The following IL13RA1 variants were observed in gnomAD, a reference collection of about 807,000 sequenced individuals.
The protein encoded by IL13RA1 is interleukin-13 receptor subunit alpha-1.
In IL13RA1, 14 loss-of-function variants were observed where a neutral mutation model predicts 33.8. That is an observed-to-expected ratio of 0.41 (90% CI 0.27 to 0.65). The LOEUF (loss-of-function observed/expected upper bound fraction) is 0.65. Ranked by LOEUF, IL13RA1 falls within the 30% of genes least tolerant of loss-of-function variation. The pLI is 0.28. For synonymous variants in IL13RA1, 116 were observed against 115.7 expected, an observed-to-expected ratio of 1.00 and a Z score of -0.02; for missense variants, 313 against 327.0, an observed-to-expected ratio of 0.96 and a Z score of 0.33.
chrX:118,767,233 G>A (rs2017659383), intron 8 of IL13RA1, among the ~76,000 whole-genome samples: 1 of 111,478 alleles, frequency 9.0e-6, no homozygotes, highest in African/African-American at 3.3e-5. Context: ...TTAACAAACT[G>A]AACAAAAATA....
chrX:118,739,469 A>G (rs1330808241), intron 1 of IL13RA1, among the ~76,000 whole-genome samples: 1 of 112,380 alleles, frequency 8.9e-6, no homozygotes, highest in African/African-American at 3.2e-5. Flanking sequence ...ATTTAACTCT[A>G]TCATTTGGTA....
chrX:118,773,628 T>TA (rs1469747691), intron 8 of IL13RA1, among the ~76,000 whole-genome samples: 1 of 112,074 alleles, frequency 8.9e-6, no homozygotes, highest in African/African-American at 3.2e-5. Context: ...GTTTGTCTTT[T>TA]AAAAAATATC....
intron 4 of IL13RA1, among the ~76,000 whole-genome samples, chrX:118,751,664 G>C (rs2017471060): frequency 9.1e-6 from 1 of 110,396 alleles, no homozygotes; most frequent in East Asian, 2.9e-4. Context: ...TGTGATGTCA[G>C]GGTGGAGAAG....
In IL13RA1 at chrX:118,764,082, C is replaced by T. The variant is rs748219519; in HGVS notation, c.829-2448C>T. Reference sequence around the variant, plus strand: ...GTTACACTTAAGAGGGGGAAGTAAGCGGGAACATGAACTGGTACCAACACA... The same window carrying T: ...GTTACACTTAAGAGGGGGAAGTAAGTGGGAACATGAACTGGTACCAACACA... On this transcript the variant is annotated intron_variant, in intron 6 of 10. Transcript: ENST00000371666. 1.6e-4 allele frequency among the ~76,000 whole-genome samples: 17 copies of T among 109,155 alleles called. No homozygotes were observed. The East Asian group carries it at 3.4e-3, about 22-fold the overall frequency. The allele number at this position is 109,155 out of a possible 115,157, so 94.8% of individuals were successfully genotyped here.
chrX:118,780,460 T>A (rs894259680), intron 10 of IL13RA1, among the ~76,000 whole-genome samples: 1 of 112,748 alleles, frequency 8.9e-6, no homozygotes, highest in Non-Finnish European at 1.9e-5. Context: ...TATAAAGACA[T>A]ACCTGAAACT....
At chrX:118,800,193 G>A in the IL13RA1 span, among the ~76,000 whole-genome samples, 3 of 111,190 alleles carry the variant, frequency 2.7e-5, no homozygotes, top group African/African-American at 9.8e-5. Context: ...CAGGCCACTG[G>A]GCTCTACCAA....
chrX:118,747,989 T>C (rs2017425783), intron 3 of IL13RA1, among the ~76,000 whole-genome samples: 1 of 88,187 alleles, frequency 1.1e-5, no homozygotes, highest in Admixed American at 1.3e-4. Flanking sequence ...GAATAGTGCC[T>C]GGCAAAGAGT....
At chrX:118,737,825 G>C (rs1358696211) in intron 1 of IL13RA1, among the ~76,000 whole-genome samples, 3 of 111,641 alleles carry the variant, frequency 2.7e-5, no homozygotes, top group Non-Finnish European at 5.6e-5. Flanking sequence ...AGGTAGGTGG[G>C]TAGGGAGAGT....
rs1049643357 is a variant in IL13RA1, at chrX:118,794,150, T to C, written c.*2296T>C. ...GAAGTGATCTTTTGTTCCCATCCTCTTCTTTTAGCAGTAAAATAGCTGAGG... is the reference window on the plus strand; with the variant it reads ...GAAGTGATCTTTTGTTCCCATCCTCCTCTTTTAGCAGTAAAATAGCTGAGG... On this transcript the variant is annotated 3_prime_UTR_variant, in exon 11 of 11. Transcript: ENST00000371666. 5 of 111,608 alleles carry C rather than the reference T, an allele frequency of 4.5e-5. No homozygotes were observed. Among genetic ancestry groups the C allele is most frequent in the African/African-American group, 1.6e-4 (5 of 30,609 alleles). The allele number at this position is 111,608 out of a possible 1,213,427, so 9.2% of individuals were successfully genotyped here.
chrX:118,787,565 A>T (rs1042234360), intron 10 of IL13RA1, among the ~76,000 whole-genome samples: 1 of 111,448 alleles, frequency 9.0e-6, no homozygotes, highest in African/African-American at 3.3e-5. Flanking sequence ...AAATTTCCTA[A>T]TCCTAATAAG....
chrX:118,788,499 A>G (rs780702697), intron 10 of IL13RA1, among the ~76,000 whole-genome samples: 16 of 111,894 alleles, frequency 1.4e-4, no homozygotes, highest in African/African-American at 2.9e-4. Context: ...TCATTTATAT[A>G]TTGTCTGTGG....
intron 6 of IL13RA1, among the ~76,000 whole-genome samples, chrX:118,764,831 A>T (rs561471761): frequency 9.0e-6 from 1 of 111,628 alleles, no homozygotes; most frequent in Admixed American, 9.5e-5. Flanking sequence ...TATATCTTAT[A>T]CTCTCAACAA....
Position 118,761,973 on chromosome X carries a change from C to G in IL13RA1, c.828+684C>G, listed in dbSNP as rs369293883. Among the ~76,000 whole-genome samples, 12 of 112,346 alleles carry G rather than the reference C, an allele frequency of 1.1e-4. No individual in the cohort carries two copies. The East Asian group carries it at 1.1e-3, about 10-fold the overall frequency. ...AGCAGTAGGCAGACATCAGATCTTG[C>G]GGACACTTTGGAGGCTCTGATAATA... On this transcript the variant is annotated intron_variant, in intron 6 of 10. Coordinates refer to ENST00000371666, the MANE Select transcript of IL13RA1 (RefSeq NM_001560.3).
intron 4 of IL13RA1, among the ~76,000 whole-genome samples, chrX:118,757,524 CAAAA>C (rs1166805158): frequency 3.1e-5 from 1 of 32,704 alleles, no homozygotes; most frequent in Non-Finnish European, 5.7e-5. Flanking sequence ...GACTCTGTCT[CAAAA>C]AAAAAAAAAA....
At chrX:118,754,334 C>T (rs193028341) in intron 4 of IL13RA1, among the ~76,000 whole-genome samples, 305 of 111,414 alleles carry the variant, frequency 2.7e-3, no homozygotes, top group African/African-American at 9.1e-3. Context: ...GTGCTCAATC[C>T]ATAATAGCTA....
the IL13RA1 span, among the ~76,000 whole-genome samples, chrX:118,804,092 G>A: frequency 3.7e-5 from 4 of 107,289 alleles, no homozygotes; most frequent in African/African-American, 1.4e-4. Flanking sequence ...AAGTAGCTGG[G>A]ATTACAGGCG....
At chrX:118,734,205 G>A (rs1246746096) in intron 1 of IL13RA1, among the ~76,000 whole-genome samples, 5 of 112,368 alleles carry the variant, frequency 4.4e-5, no homozygotes, top group African/African-American at 1.6e-4. Context: ...ACTTTGGATA[G>A]TATTGACATC....
chrX:118,781,063 G>A (rs1465428669), intron 10 of IL13RA1, among the ~76,000 whole-genome samples: 2 of 110,562 alleles, frequency 1.8e-5, no homozygotes, highest in East Asian at 5.6e-4. Context: ...TAATGTTTTG[G>A]CCAACAGCAT....
chrX:118,800,403 A>C, the IL13RA1 span, among the ~76,000 whole-genome samples: 2 of 110,849 alleles, frequency 1.8e-5, no homozygotes, highest in East Asian at 2.8e-4. Flanking sequence ...GCCCAGCGAG[A>C]CCACGAGCCC....
Sources: allele counts gnomAD v4.1 joint callset (sites outside exome capture counted in the v4.1 genomes callset), GRCh38; gene constraint gnomAD v4.1.1; transcripts MANE v1.5; gene names NCBI Gene and HGNC (gene_info 2026-07-23, HGNC 2026-07-21).